The following ACVR1 variants were observed in gnomAD, a reference collection of about 807,000 sequenced individuals.
The protein encoded by ACVR1 is activin A receptor type 1, also known as activin receptor type-1.
Under a neutral mutation model 57.1 loss-of-function variants are expected in ACVR1, and 38 were observed. That is an observed-to-expected ratio of 0.67 (90% CI 0.51 to 0.87). The LOEUF is 0.87. ACVR1 is among the 40% of genes least tolerant of loss of function. The probability of loss-of-function intolerance (pLI) is 0.00; values close to 1 mark genes in which losing one functional copy is unlikely to be tolerated. For synonymous variants in ACVR1, 212 were observed against 228.1 expected, an observed-to-expected ratio of 0.93 and a Z score of 0.63; for missense variants, 463 against 638.2, an observed-to-expected ratio of 0.73 and a Z score of 2.96.
chr2:157,809,106 G>A (rs1404620641), intron 2 of ACVR1, among the ~76,000 whole-genome samples: 1 of 152,018 alleles, frequency 6.6e-6, no homozygotes, highest in African/African-American at 2.4e-5. Flanking sequence ...TTGCCTACAC[G>A]GCTGTTATCA....
Position 157,836,685 on chromosome 2 carries a change from C to T in ACVR1, c.-182-18126G>A, listed in dbSNP as rs568976785. ...TCTGACAGCAGAAGGACTTTGTCCTCTTTAGCACTGAGTCCCCAGTCCCTA... is the reference window on the plus strand; with the variant it reads ...TCTGACAGCAGAAGGACTTTGTCCTTTTTAGCACTGAGTCCCCAGTCCCTA... On this transcript the variant is annotated intron_variant, in intron 1 of 10. Transcript: ENST00000434821. Among the ~76,000 whole-genome samples the T allele has an allele frequency of 8.5e-5, 13 of 152,302 alleles. 1 individual carries two copies. The highest frequency in any genetic ancestry group is 3.1e-4 in the African/African-American group (13 of 41,560).
chr2:157,853,494 G>T (rs1055589550), intron 1 of ACVR1, among the ~76,000 whole-genome samples: 7 of 152,172 alleles, frequency 4.6e-5, no homozygotes, highest in African/African-American at 1.7e-4. Flanking sequence ...CACACTGAGG[G>T]TCAGGGTTTC....
At chr2:157,787,335 T>C (rs1686750719) in intron 3 of ACVR1, among the ~76,000 whole-genome samples, 1 of 152,216 alleles carries the variant, frequency 6.6e-6, no homozygotes, top group East Asian at 1.9e-4. Flanking sequence ...TAATGACCCC[T>C]TTCTTCATTC....
At chr2:157,872,750 T>C (rs1328649893) in intron 1 of ACVR1, among the ~76,000 whole-genome samples, 1 of 152,252 alleles carries the variant, frequency 6.6e-6, no homozygotes, top group South Asian at 2.1e-4. Context: ...ATTATGTTAA[T>C]GGTTATGTGT....
chr2:157,805,820 C>CTTTTTTTTTT (rs1222482675), intron 2 of ACVR1, among the ~76,000 whole-genome samples: 4 of 30,178 alleles, frequency 1.3e-4, no homozygotes, highest in African/African-American at 1.6e-4. Context: ...TTTCTTTTTT[C>CTTTTTTTTTT]TTTTTTTTTT....
At chr2:157,770,598 G>A in intron 6 of ACVR1, 84 bp from the exon 7 acceptor site, 2 of 1,360,512 alleles carry the variant, frequency 1.5e-6, no homozygotes, top group Middle Eastern at 1.8e-4. Context: ...TTAATTTAGT[G>A]CATGCAACTC....
chr2:157,828,494 C>T (rs1015961240), intron 1 of ACVR1, among the ~76,000 whole-genome samples: 3 of 147,298 alleles, frequency 2.0e-5, no homozygotes, highest in East Asian at 4.1e-4. Context: ...AGCAGTGGGT[C>T]CCTGTAGTCC....
intron 3 of ACVR1, among the ~76,000 whole-genome samples, chr2:157,785,201 A>C (rs1300931986): frequency 1.3e-5 from 2 of 152,256 alleles, no homozygotes. Context: ...TTCACCTCAA[A>C]GTAGTACAAA....
chr2:157,775,552 T>C (rs1417154299), intron 5 of ACVR1, among the ~76,000 whole-genome samples: 1 of 152,190 alleles, frequency 6.6e-6, no homozygotes, highest in Non-Finnish European at 1.5e-5. Context: ...GAAGTACTGT[T>C]GATCGGCAAA....
At chr2:157,827,640 G>A (rs1688434323) in intron 1 of ACVR1, among the ~76,000 whole-genome samples, 1 of 152,232 alleles carries the variant, frequency 6.6e-6, no homozygotes, top group Non-Finnish European at 1.5e-5. Flanking sequence ...CCTATGAACA[G>A]TGAGTTAATT....
intron 1 of ACVR1, among the ~76,000 whole-genome samples, chr2:157,873,498 G>C (rs756039413): frequency 6.6e-6 from 1 of 152,242 alleles, no homozygotes. Flanking sequence ...GCATGAGATC[G>C]CTTCACATAA....
intron 9 of ACVR1, among the ~76,000 whole-genome samples, chr2:157,747,385 G>A (rs995159590): frequency 4.6e-5 from 7 of 151,962 alleles, no homozygotes; most frequent in Non-Finnish European, 8.8e-5. Flanking sequence ...ATCATCATGT[G>A]CACAAAAATG....
intron 1 of ACVR1, among the ~76,000 whole-genome samples, chr2:157,854,409 C>T (rs917896265): frequency 6.6e-6 from 1 of 152,018 alleles, no homozygotes; most frequent in East Asian, 1.9e-4. Flanking sequence ...TGCCATCACA[C>T]TGGCAAATCC....
At position 157,766,202 on chromosome 2, in the gene ACVR1, G is replaced by A; in HGVS notation, c.791-6C>T. The A allele has an allele frequency of 1.2e-6, 2 of 1,613,854 alleles. No homozygotes were observed. Among genetic ancestry groups the A allele is most frequent in the Non-Finnish European group, 1.7e-6 (2 of 1,179,880 alleles). On this transcript the variant is annotated splice_region_variant and splice_polypyrimidine_tract_variant and intron_variant, in intron 7 of 10. Transcript: ENST00000434821. ...CATGTCTGAAGCAATGAAACCTGGA[G>A]AGAGCAAGAAAAAAATTAATATACA...
At chr2:157,778,736 T>C (rs531613181) in intron 4 of ACVR1, among the ~76,000 whole-genome samples, 13 of 152,358 alleles carry the variant, frequency 8.5e-5, no homozygotes, top group African/African-American at 2.9e-4. Context: ...AAATTACCCA[T>C]CTGTGGTCTC....
At chr2:157,792,453 G>C (rs1686952603) in intron 3 of ACVR1, among the ~76,000 whole-genome samples, 1 of 152,164 alleles carries the variant, frequency 6.6e-6, no homozygotes, top group East Asian at 1.9e-4. Context: ...TAAAGAGAAA[G>C]GATGGTCAGG....
intron 1 of ACVR1, among the ~76,000 whole-genome samples, chr2:157,857,929 C>T (rs750794216): frequency 1.3e-5 from 2 of 151,946 alleles, no homozygotes; most frequent in Non-Finnish European, 2.9e-5. Context: ...TTTTTTCTTC[C>T]TTGTTGACAT....
At chr2:157,852,445 A>G (rs1310982573) in intron 1 of ACVR1, among the ~76,000 whole-genome samples, 1 of 150,788 alleles carries the variant, frequency 6.6e-6, no homozygotes, top group African/African-American at 2.4e-5. Context: ...TGCAGTGAAC[A>G]GAGGTCATGC....
At chr2:157,741,436 G>T (rs1684760265) in intron 9 of ACVR1, among the ~76,000 whole-genome samples, 1 of 151,782 alleles carries the variant, frequency 6.6e-6, no homozygotes, top group Non-Finnish European at 1.5e-5. Flanking sequence ...GACCATCCTG[G>T]TAACATGGTG....
Sources: allele counts gnomAD v4.1 joint callset (sites outside exome capture counted in the v4.1 genomes callset), GRCh38; gene constraint gnomAD v4.1.1; transcripts MANE v1.5; gene names NCBI Gene and HGNC (gene_info 2026-07-23, HGNC 2026-07-21).